Variants in USP37 observed in about 807,000 individuals in gnomAD.
The protein encoded by USP37 is ubiquitin carboxyl-terminal hydrolase 37.
In USP37, 27 loss-of-function variants were observed where a neutral mutation model predicts 124.0. The ratio of observed to expected loss-of-function variants is 0.22; its 90% CI spans 0.16 to 0.30. USP37 has a LOEUF of 0.30. Ranked by LOEUF, USP37 falls within the 10% of genes least tolerant of loss-of-function variation. The probability of loss-of-function intolerance (pLI) is 1.00; values close to 1 mark genes in which losing one functional copy is unlikely to be tolerated. For synonymous variants in USP37, 365 were observed against 388.0 expected (o/e 0.94, Z 0.70); for missense variants, 889 against 1,140.4 (o/e 0.78, Z 3.17).
At chr2:218,494,962 T>G (rs6710383) in intron 14 of USP37, among the ~76,000 whole-genome samples, 100,622 of 151,744 alleles carry the variant, frequency 0.66, 33,815 homozygotes, top group East Asian at 0.9. Flanking sequence ...AAGTAATAAG[T>G]TGTGTTTTTT....
At chr2:218,462,002 C>G (rs1174450304) in intron 22 of USP37, among the ~76,000 whole-genome samples, 1 of 151,990 alleles carries the variant, frequency 6.6e-6, no homozygotes, top group Non-Finnish European at 1.5e-5. Context: ...ACTAAAAATA[C>G]AAAATTTAGC....
chr2:218,490,606 A>G (rs1220121542), intron 14 of USP37, among the ~76,000 whole-genome samples: 1 of 152,210 alleles, frequency 6.6e-6, no homozygotes, highest in Non-Finnish European at 1.5e-5. Context: ...ACTGAAAAAC[A>G]TAAGAGTATA....
intron 16 of USP37, among the ~76,000 whole-genome samples, chr2:218,483,717 T>C (rs1691387496): frequency 6.6e-6 from 1 of 151,934 alleles, no homozygotes. Context: ...ATCCAGCATG[T>C]GAGGTCAAAA....
At chr2:218,553,512 T>TA (rs762243661) in intron 5 of USP37, 41 bp downstream of exon 5, 1 of 1,546,688 alleles carries the variant, frequency 6.5e-7, no homozygotes, top group Non-Finnish European at 8.7e-7. Flanking sequence ...CATAGCCTTG[T>TA]AAAAATACTA....
At chr2:218,549,222 T>A (rs930869703) in intron 6 of USP37, among the ~76,000 whole-genome samples, 2 of 152,122 alleles carry the variant, frequency 1.3e-5, no homozygotes, top group Admixed American at 1.3e-4. Context: ...GTCAATTATA[T>A]CTCAATAAAA....
chr2:218,542,157 T>C (rs1692013044), intron 8 of USP37, among the ~76,000 whole-genome samples: 1 of 152,202 alleles, frequency 6.6e-6, no homozygotes, highest in Admixed American at 6.5e-5. Context: ...TCTTCTTCTC[T>C]GGCCTGCTTC....
intron 11 of USP37, among the ~76,000 whole-genome samples, chr2:218,500,035 T>C (rs1354475307): frequency 6.6e-6 from 1 of 152,198 alleles, no homozygotes; most frequent in Non-Finnish European, 1.5e-5. Flanking sequence ...TCCCAAAGTG[T>C]TGGGATTACA....
At chr2:218,485,908 A>G (rs1249977293) in intron 15 of USP37, among the ~76,000 whole-genome samples, 165 bp from the exon 16 acceptor site, 1 of 152,170 alleles carries the variant, frequency 6.6e-6, no homozygotes, top group Non-Finnish European at 1.5e-5. Context: ...TTAAGACCCA[A>G]TCCTCAAAAT....
intron 10 of USP37, among the ~76,000 whole-genome samples, chr2:218,522,302 C>T (rs1474094560): frequency 2.0e-5 from 3 of 151,940 alleles, no homozygotes; most frequent in African/African-American, 7.3e-5. Context: ...CTGGCTCATG[C>T]CTGTAAGCCC....
chr2:218,459,709 T>C (rs1339095819), intron 23 of USP37, 81 bp downstream of exon 23: 3 of 1,236,032 alleles, frequency 2.4e-6, no homozygotes, highest in Admixed American at 4.1e-5. Context: ...CAGTGGACAC[T>C]GAAAGTGGGG....
chr2:218,458,070 G>GAAAAAAAAAAA (rs538026681), intron 23 of USP37, among the ~76,000 whole-genome samples: 1 of 137,136 alleles, frequency 7.3e-6, no homozygotes. Context: ...GAAAAGAAAA[G>GAAAAAAAAAAA]AAAAAAAAAA....
chr2:218,463,299 T>A lies in USP37; in HGVS notation c.2527+7A>T. On this transcript the variant is annotated splice_region_variant and intron_variant, in intron 22 of 25. Coordinates refer to ENST00000258399, the MANE Select transcript of USP37 (RefSeq NM_020935.3). Reference sequence around the variant, plus strand: ...TTAAAAAAATGTAATTAAAAAGATCTCCACACCTTGAAGACTTAACTCGGT... The same window carrying A: ...TTAAAAAAATGTAATTAAAAAGATCACCACACCTTGAAGACTTAACTCGGT... The A allele has an allele frequency of 6.2e-7, 1 of 1,613,442 alleles. No individual in the cohort carries two copies. The highest frequency in any genetic ancestry group is 1.1e-5 in the South Asian group (1 of 91,074).
chr2:218,549,108 G>A (rs1333317021), intron 6 of USP37, among the ~76,000 whole-genome samples: 1 of 152,132 alleles, frequency 6.6e-6, no homozygotes, highest in South Asian at 2.1e-4. Flanking sequence ...GAAATCTCAA[G>A]AGTTATGGTT....
At chr2:218,546,101 GC>G (rs1692305702) in intron 8 of USP37, 119 bp downstream of exon 8, 1 of 803,742 alleles carries the variant, frequency 1.2e-6, no homozygotes. Context: ...TTTACATTCT[GC>G]TCTTCCATCT....
intron 2 of USP37, among the ~76,000 whole-genome samples, chr2:218,562,054 A>G (rs1359894196): frequency 6.6e-6 from 1 of 152,256 alleles, no homozygotes; most frequent in African/African-American, 2.4e-5. Flanking sequence ...TATATAAAAG[A>G]TGTAGGACAT....
chr2:218,562,648 T>A lies in USP37; in HGVS notation c.-89+25A>T, dbSNP rs1156789394. On this transcript the variant is annotated intron_variant, in intron 2 of 25. Coordinates refer to ENST00000258399, the MANE Select transcript of USP37 (RefSeq NM_020935.3). Reference sequence around the variant, plus strand: ...CAGATTGCATGCTCTTTGAAACATATATCCAAAACAAAAACATTACTTACT... The same window carrying A: ...CAGATTGCATGCTCTTTGAAACATAAATCCAAAACAAAAACATTACTTACT... The A allele has an allele frequency of 3.0e-5, 12 of 398,092 alleles. No individual in the cohort carries two copies. In the Admixed American group the frequency reaches 5.3e-4, roughly 18 times the overall value. The allele number at this position is 398,092 out of a possible 1,614,324, so 24.7% of individuals were successfully genotyped here.
At chr2:218,561,503 C>T (rs1693307064) in intron 2 of USP37, among the ~76,000 whole-genome samples, 1 of 151,974 alleles carries the variant, frequency 6.6e-6, no homozygotes, top group Non-Finnish European at 1.5e-5. Flanking sequence ...ACCAAAAATA[C>T]AAAAATTAGC....
intron 18 of USP37, 90 bp from the exon 19 acceptor site, chr2:218,477,071 A>G (rs539573498): frequency 3.8e-6 from 5 of 1,313,426 alleles, no homozygotes; most frequent in Middle Eastern, 2.5e-4. Context: ...TTGCTTTTCC[A>G]TTACGGAAAA....
intron 10 of USP37, among the ~76,000 whole-genome samples, chr2:218,520,218 A>G (rs973444953): frequency 6.6e-6 from 1 of 152,098 alleles, no homozygotes; most frequent in African/African-American, 2.4e-5. Context: ...CTGGGATTAT[A>G]GACATGAGCC....
Sources: gnomAD v4.1 joint callset for allele counts (sites outside exome capture counted in the v4.1 genomes callset) on GRCh38, gnomAD v4.1.1 for gene constraint, MANE v1.5 for transcripts, NCBI Gene and HGNC (gene_info 2026-07-23, HGNC 2026-07-21) for gene names.